KCNC2: variants seen among roughly 807,000 people sequenced by gnomAD.
KCNC2 encodes voltage-gated potassium channel KCNC2.
A neutral mutation model predicts 44.5 loss-of-function variants in KCNC2; 21 were observed. That is an observed-to-expected ratio of 0.47 (90% confidence interval 0.33 to 0.68). The LOEUF (loss-of-function observed/expected upper bound fraction) is 0.68. KCNC2 is among the 30% of genes least tolerant of loss of function. The pLI, the probability that KCNC2 is intolerant of heterozygous loss-of-function variation, is 0.01. For synonymous variants in KCNC2, 391 were observed against 339.1 expected (o/e 1.15, Z -1.68); for missense variants, 589 against 826.2 (o/e 0.71, Z 3.52).
chr12:75,058,260 G>A (rs914737257), intron 2 of KCNC2, among the ~76,000 whole-genome samples: 1 of 151,576 alleles, frequency 6.6e-6, no homozygotes, highest in Non-Finnish European at 1.5e-5. Flanking sequence ...ACAATATATA[G>A]CAATTTCATG....
At chr12:75,150,967 C>G (rs1890349343) in intron 2 of KCNC2, among the ~76,000 whole-genome samples, 1 of 151,878 alleles carries the variant, frequency 6.6e-6, no homozygotes, top group Non-Finnish European at 1.5e-5. Flanking sequence ...AAGATATCTG[C>G]TTCCATTAGT....
intron 2 of KCNC2, among the ~76,000 whole-genome samples, chr12:75,123,533 C>G (rs1888190647): frequency 6.6e-6 from 1 of 152,146 alleles, no homozygotes. Flanking sequence ...CCTAATTATT[C>G]ATTCTGTCAA....
intron 2 of KCNC2, among the ~76,000 whole-genome samples, chr12:75,179,736 A>C (rs1360389893): frequency 6.7e-5 from 10 of 149,932 alleles, no homozygotes; most frequent in South Asian, 4.2e-4. Flanking sequence ...AAAAGATATA[A>C]AACTAGTTTT....
intron 2 of KCNC2, among the ~76,000 whole-genome samples, chr12:75,198,455 A>T (rs533125318): frequency 2.6e-5 from 4 of 152,028 alleles, no homozygotes; most frequent in South Asian, 4.1e-4. Context: ...ACTTGGTTGC[A>T]TTAAGAGAAT....
intron 2 of KCNC2, among the ~76,000 whole-genome samples, chr12:75,183,670 T>C (rs552738896): frequency 2.0e-5 from 3 of 152,238 alleles, no homozygotes; most frequent in Non-Finnish European, 4.4e-5. Context: ...GAATGATACC[T>C]CTGTCTTCTT....
chr12:75,124,655 A>C (rs544810370), intron 2 of KCNC2, among the ~76,000 whole-genome samples: 4 of 152,300 alleles, frequency 2.6e-5, no homozygotes, highest in South Asian at 4.1e-4. Flanking sequence ...CAGACTCATA[A>C]AATTTAAAAT....
At chr12:75,170,183 C>T (rs1891721056) in intron 2 of KCNC2, among the ~76,000 whole-genome samples, 1 of 151,598 alleles carries the variant, frequency 6.6e-6, no homozygotes, top group Non-Finnish European at 1.5e-5. Flanking sequence ...AAATAATTAG[C>T]ACTTTATGAT....
At chr12:75,186,884 T>C (rs902782972) in intron 2 of KCNC2, among the ~76,000 whole-genome samples, 1 of 152,210 alleles carries the variant, frequency 6.6e-6, no homozygotes, top group South Asian at 2.1e-4. Flanking sequence ...TTTCACCAAA[T>C]TGGTATCTTA....
chr12:75,097,533 G>GTT (rs1301238578), intron 2 of KCNC2, among the ~76,000 whole-genome samples: 1 of 152,022 alleles, frequency 6.6e-6, no homozygotes, highest in Non-Finnish European at 1.5e-5. Flanking sequence ...TGTATTTTCT[G>GTT]TTCAGTTTTA....
intron 2 of KCNC2, among the ~76,000 whole-genome samples, chr12:75,132,990 G>T (rs570789222): frequency 6.6e-6 from 1 of 152,054 alleles, no homozygotes; most frequent in South Asian, 2.1e-4. Context: ...AGCGTGCAAG[G>T]TTGCTTCGAA....
chr12:75,078,854 T>A (rs554255552), intron 2 of KCNC2, among the ~76,000 whole-genome samples: 7 of 152,310 alleles, frequency 4.6e-5, no homozygotes, highest in Admixed American at 4.6e-4. Flanking sequence ...ACTTAAGATG[T>A]TCTTTGAAGA....
intron 2 of KCNC2, among the ~76,000 whole-genome samples, chr12:75,169,856 C>A (rs1891695841): frequency 6.6e-6 from 1 of 151,606 alleles, no homozygotes; most frequent in Non-Finnish European, 1.5e-5. Context: ...TCACAGGTAT[C>A]AATGTTATGA....
intron 2 of KCNC2, among the ~76,000 whole-genome samples, chr12:75,073,750 T>A (rs7311515): frequency 0.17 from 25,211 of 152,134 alleles, 2,529 homozygotes; most frequent in Admixed American, 0.27. Context: ...TGATTTAAAA[T>A]TCTACAGATC....
At chr12:75,195,771 G>A (rs1461260613) in intron 2 of KCNC2, among the ~76,000 whole-genome samples, 3 of 151,970 alleles carry the variant, frequency 2.0e-5, no homozygotes, top group South Asian at 2.1e-4. Flanking sequence ...TGATATTGCC[G>A]ATTACAAATT....
At chr12:75,201,983 C>T (rs1292041413) in intron 2 of KCNC2, among the ~76,000 whole-genome samples, 1 of 151,686 alleles carries the variant, frequency 6.6e-6, no homozygotes. Flanking sequence ...CTCAGAAGTT[C>T]AAAGAATACA....
At chr12:75,050,274 G>T in intron 3 of KCNC2, 116 bp downstream of exon 3, 1 of 762,374 alleles carries the variant, frequency 1.3e-6, no homozygotes. Context: ...TTTCGTGAAA[G>T]GGTTAGGGCT....
chr12:75,076,181 C>A (rs1252008437), intron 2 of KCNC2, among the ~76,000 whole-genome samples: 2 of 152,136 alleles, frequency 1.3e-5, no homozygotes, highest in African/African-American at 4.8e-5. Flanking sequence ...TACTAACTTA[C>A]AGCAGACTTA....
rs192816635 is a variant in KCNC2, at chr12:75,059,348, A to G, written c.688-8031T>C. ...TAGTCAAGCATAGTTTTGTAGTAATACTAAAATATTTCTTGCCTTTTTCAC... is the reference window on the plus strand; with the variant it reads ...TAGTCAAGCATAGTTTTGTAGTAATGCTAAAATATTTCTTGCCTTTTTCAC... On this transcript the variant is annotated intron_variant, in intron 2 of 4. Transcript: ENST00000549446. Among the ~76,000 whole-genome samples, 68 of 152,190 alleles carry G rather than the reference A, an allele frequency of 4.5e-4. No homozygotes were observed. In the Middle Eastern group the frequency reaches 0.01, roughly 23 times the overall value.
At chr12:75,182,974 A>G (rs2137657997) in intron 2 of KCNC2, among the ~76,000 whole-genome samples, 1 of 152,332 alleles carries the variant, frequency 6.6e-6, no homozygotes, top group Middle Eastern at 3.4e-3. Context: ...AATGAAGCAC[A>G]GTGAGCCTAA....
Sources: allele counts gnomAD v4.1 joint callset (sites outside exome capture counted in the v4.1 genomes callset), GRCh38; gene constraint gnomAD v4.1.1; transcripts MANE v1.5; gene names NCBI Gene and HGNC (gene_info 2026-07-23, HGNC 2026-07-21).